Variants in CTNND2 observed in about 807,000 individuals in gnomAD.
CTNND2 encodes the protein catenin delta-2.
In CTNND2, 22 loss-of-function variants were observed where a neutral mutation model predicts 144.4. The observed-to-expected ratio is 0.15, with a 90% CI of 0.11 to 0.22. CTNND2 has a LOEUF of 0.22. CTNND2 is among the 10% of genes least tolerant of loss of function. The pLI is 1.00. For missense variants in CTNND2, 1,353 were observed against 1,618.8 expected, an observed-to-expected ratio of 0.84 and a Z score of 2.82; for synonymous variants, 751 against 695.6, an observed-to-expected ratio of 1.08 and a Z score of -1.25.
chr5:11,253,895 G>A (rs1261351949), intron 9 of CTNND2, among the ~76,000 whole-genome samples: 1 of 152,066 alleles, frequency 6.6e-6, no homozygotes, highest in Non-Finnish European at 1.5e-5. Flanking sequence ...TTTAAATAAG[G>A]TCTGATACAA....
chr5:11,773,810 CAAAAA>C (rs11308130), intron 1 of CTNND2, among the ~76,000 whole-genome samples: 3 of 92,350 alleles, frequency 3.2e-5, no homozygotes, highest in Non-Finnish European at 7.2e-5. Flanking sequence ...GACTCCATCT[CAAAAA>C]AAAAAAAAAA....
intron 10 of CTNND2, among the ~76,000 whole-genome samples, chr5:11,234,855 A>G (rs1479015973): frequency 1.3e-5 from 2 of 152,148 alleles, no homozygotes; most frequent in African/African-American, 4.8e-5. Flanking sequence ...CAAGCTGATA[A>G]AACTCAAGAG....
chr5:11,016,449 T>C (rs892079248), intron 18 of CTNND2, among the ~76,000 whole-genome samples: 2 of 152,258 alleles, frequency 1.3e-5, no homozygotes, highest in African/African-American at 4.8e-5. Context: ...TTTTCCCCCA[T>C]TGCTTAGAAA....
At chr5:10,985,975 AATAACAATCG>A in intron 20 of CTNND2, among the ~76,000 whole-genome samples, 4 of 152,206 alleles carry the variant, frequency 2.6e-5, no homozygotes, top group Non-Finnish European at 5.9e-5. Flanking sequence ...TTGTTGTGAT[AATAACAATCG>A]GCGTTTACAT....
At chr5:11,812,868 C>T (rs1561818874) in intron 1 of CTNND2, among the ~76,000 whole-genome samples, 1 of 152,040 alleles carries the variant, frequency 6.6e-6, no homozygotes, top group African/African-American at 2.4e-5. Context: ...CCCACAATGC[C>T]AGGACACGTT....
Position 11,013,401 on chromosome 5 carries a change from A to G in CTNND2, c.3084+4573T>C, listed in dbSNP as rs182891873. Among the ~76,000 whole-genome samples, 209 of 152,272 alleles carry G rather than the reference A, an allele frequency of 1.4e-3. 1 individual carries two copies. Among genetic ancestry groups the G allele is most frequent in the African/African-American group, 3.6e-3 (151 of 41,550 alleles). On this transcript the variant is annotated intron_variant, in intron 18 of 21. Coordinates refer to ENST00000304623, the MANE Select transcript of CTNND2 (RefSeq NM_001332.4). ...TTTTGTATGCTTTTCTCTTGTTACT[A>G]TAATTTGTCTTTCATTATAGGGGCT...
chr5:11,874,269 G>A (rs1299983752), intron 1 of CTNND2, among the ~76,000 whole-genome samples: 1 of 152,086 alleles, frequency 6.6e-6, no homozygotes, highest in African/African-American at 2.4e-5. Flanking sequence ...AAATATCATT[G>A]AACTAGTAAA....
intron 1 of CTNND2, among the ~76,000 whole-genome samples, chr5:11,829,198 G>A (rs2126957901): frequency 6.6e-6 from 1 of 152,272 alleles, no homozygotes; most frequent in Middle Eastern, 3.4e-3. Flanking sequence ...CATGCAGCCT[G>A]ACAATGCAAA....
chr5:11,662,659 C>T (rs956003445), intron 2 of CTNND2, among the ~76,000 whole-genome samples: 5 of 152,218 alleles, frequency 3.3e-5, no homozygotes, highest in African/African-American at 7.2e-5. Flanking sequence ...ACCTTACATC[C>T]TTCGATCCAA....
At chr5:11,365,348 TC>T (rs1756877300) in intron 7 of CTNND2, among the ~76,000 whole-genome samples, 1 of 152,202 alleles carries the variant, frequency 6.6e-6, no homozygotes, top group Non-Finnish European at 1.5e-5. Flanking sequence ...TAGAAATTGT[TC>T]CCATCAGCAG....
At chr5:10,979,672 TCA>T (rs1491448243) in intron 21 of CTNND2, among the ~76,000 whole-genome samples, 20 of 152,178 alleles carry the variant, frequency 1.3e-4, no homozygotes, top group Non-Finnish European at 2.1e-4. Flanking sequence ...TCTCTCTCTC[TCA>T]GATTGGTTCC....
intron 2 of CTNND2, among the ~76,000 whole-genome samples, chr5:11,644,493 T>C (rs1358600703): frequency 6.6e-6 from 1 of 151,928 alleles, no homozygotes; most frequent in African/African-American, 2.4e-5. Flanking sequence ...GTTAACACAG[T>C]GAAACCCTGT....
intron 1 of CTNND2, among the ~76,000 whole-genome samples, chr5:11,792,664 T>C (rs1791197950): frequency 6.6e-6 from 1 of 152,268 alleles, no homozygotes; most frequent in Non-Finnish European, 1.5e-5. Context: ...TGGCTTTTTA[T>C]AAAATTACAC....
At chr5:11,450,545 G>A (rs1349265927) in intron 3 of CTNND2, among the ~76,000 whole-genome samples, 1 of 152,144 alleles carries the variant, frequency 6.6e-6, no homozygotes, top group African/African-American at 2.4e-5. Context: ...TTCTTTGCAG[G>A]TCCTCATCTA....
chr5:11,593,782 C>T lies in CTNND2; in HGVS notation c.175-28726G>A, dbSNP rs374666652. On this transcript the variant is annotated intron_variant, in intron 2 of 21. Transcript: ENST00000304623. ...TTTTCCTTTTAAATCACCCAGTCTC[C>T]AGTATTTCTTCATAACAGTATGAAA... Among the ~76,000 whole-genome samples, 14 of 152,250 alleles carry T rather than the reference C, an allele frequency of 9.2e-5. No individual in the cohort carries two copies. In the East Asian group the frequency reaches 1.9e-3, roughly 21 times the overall value.
At chr5:11,780,794 T>C (rs1581873320) in intron 1 of CTNND2, among the ~76,000 whole-genome samples, 1 of 152,132 alleles carries the variant, frequency 6.6e-6, no homozygotes, top group Admixed American at 6.5e-5. Context: ...AAATAGGTGA[T>C]GCTTTTCCTG....
At chr5:11,692,643 C>T (rs182204261) in intron 2 of CTNND2, among the ~76,000 whole-genome samples, 1 of 152,168 alleles carries the variant, frequency 6.6e-6, no homozygotes, top group African/African-American at 2.4e-5. Flanking sequence ...GCTCTGTTGC[C>T]CAGGCTGGAG....
chr5:11,076,340 A>G (rs1333128443), intron 16 of CTNND2, among the ~76,000 whole-genome samples: 1 of 152,226 alleles, frequency 6.6e-6, no homozygotes, highest in South Asian at 2.1e-4. Flanking sequence ...TTTTGTTGGC[A>G]GAGAGGATGG....
At chr5:11,462,456 G>A (rs1025591032) in intron 3 of CTNND2, among the ~76,000 whole-genome samples, 1 of 152,036 alleles carries the variant, frequency 6.6e-6, no homozygotes, top group Non-Finnish European at 1.5e-5. Context: ...TGCCTTTGCT[G>A]TTGTGGCAGC....
Sources: allele counts gnomAD v4.1 joint callset (sites outside exome capture counted in the v4.1 genomes callset), GRCh38; gene constraint gnomAD v4.1.1; transcripts MANE v1.5; gene names NCBI Gene and HGNC (gene_info 2026-07-23, HGNC 2026-07-21).